Variants in FBH1 observed in about 807,000 individuals in gnomAD.
FBH1 encodes F-box DNA helicase 1, also known as DNA 3'-5' helicase 1.
Under a neutral mutation model 115.5 loss-of-function variants are expected in FBH1, and 43 were observed. The ratio of observed to expected loss-of-function variants is 0.37; its 90% CI spans 0.29 to 0.48. The LOEUF (loss-of-function observed/expected upper bound fraction) is 0.48. Ranked by LOEUF, FBH1 falls within the 20% of genes least tolerant of loss-of-function variation. The pLI, the probability that FBH1 is intolerant of heterozygous loss-of-function variation, is 0.99. For synonymous variants in FBH1, 524 were observed against 507.8 expected (o/e 1.03, Z -0.43); for missense variants, 1,001 against 1,337.3 (o/e 0.75, Z 3.92).
chr10:5,891,166 C>G (rs1376779793), intron 1 of FBH1: 2 of 985,706 alleles, frequency 2.0e-6, no homozygotes, highest in African/African-American at 3.5e-5. Flanking sequence ...TGAGTGTCCG[C>G]CAGCGTCTGC....
chr10:5,922,774 A>G (rs1257611641), intron 15 of FBH1, among the ~76,000 whole-genome samples: 1 of 152,254 alleles, frequency 6.6e-6, no homozygotes, highest in Non-Finnish European at 1.5e-5. Context: ...GAGCCCAGCC[A>G]GTGCTCAGCA....
In FBH1 at chr10:5,909,170, C is replaced by T. The variant is rs758518558; in HGVS notation, c.896C>T (p.Thr299Ile). 6 of 1,613,682 alleles carry T rather than the reference C, an allele frequency of 3.7e-6. No individual in the cohort carries two copies. Among genetic ancestry groups the T allele is most frequent in the Non-Finnish European group, 5.1e-6 (6 of 1,179,992 alleles). ...CVLNLIRYTA[T>I]TKCSPSVDPE... ...TGAATGTCTTACAGATACACAGCCA[C>T]CACTAAGTGCTCTCCGAGTGTGGAT... Residue 299 changes from threonine (T) to isoleucine (I), a missense_variant, in exon 5 of 21, where the codon ACC becomes ATC. Transcript: ENST00000362091. This position sits in a 1 kb window ranked among gnomAD's most constrained non-coding sequence, Gnocchi z 4.4.
rs779151940 is a variant in FBH1, at chr10:5,921,329, A to G, written c.2172A>G (p.Lys724=). 3.7e-6 allele frequency: 6 copies of G among 1,614,102 alleles called. No individual in the cohort carries two copies. Among genetic ancestry groups the G allele is most frequent in the East Asian group, 2.2e-5 (1 of 44,900 alleles). ...TILDVCKRVR[K]KTLVGGNHQS... is the part of the protein sequence containing the mutation. ...TGGATGTTTGCAAGAGAGTCAGGAA[A>G]AAGACTTTGGTTGGAGGAAACCATC... Residue 724 remains lysine, a synonymous_variant, in exon 14 of 21, where the codon AAA becomes AAG. Transcript: ENST00000362091. The surrounding 1 kb of genome is among the most constrained non-coding windows in gnomAD (Gnocchi z 6.4).
chr10:5,910,418 C>T lies in FBH1; in HGVS notation c.1021-520C>T, dbSNP rs562847494. Among the ~76,000 whole-genome samples the T allele has an allele frequency of 6.6e-6, 1 of 152,338 alleles. No individual in the cohort carries two copies. Among genetic ancestry groups the T allele is most frequent in the African/African-American group, 2.4e-5 (1 of 41,556 alleles). On this transcript the variant is annotated intron_variant, in intron 5 of 20. Transcript: ENST00000362091. The surrounding 1 kb of genome is among the most constrained non-coding windows in gnomAD (Gnocchi z 4.8). Reference sequence around the variant, plus strand: ...CATAATTTCATATTTATTTAACTTACAATGAACAGTTATTACTAATAATAA... The same window carrying T: ...CATAATTTCATATTTATTTAACTTATAATGAACAGTTATTACTAATAATAA...
In FBH1 at chr10:5,921,111, A is replaced by G. The variant is rs1044599929; in HGVS notation, c.2101-147A>G. On this transcript the variant is annotated intron_variant, in intron 13 of 20. Coordinates refer to ENST00000362091, the MANE Select transcript of FBH1 (RefSeq NM_178150.3). This position sits in a 1 kb window ranked among gnomAD's most constrained non-coding sequence, Gnocchi z 6.4. Reference sequence around the variant, plus strand: ...GACTGCTGAGTTGTGAAGGACCTTGAAAGTGAGCCTGTGAAGTTCGCTTTC... The same window carrying G: ...GACTGCTGAGTTGTGAAGGACCTTGGAAGTGAGCCTGTGAAGTTCGCTTTC... 4.7e-6 allele frequency: 3 copies of G among 643,102 alleles called. No homozygotes were observed. The highest frequency in any genetic ancestry group is 8.2e-6 in the Non-Finnish European group (3 of 367,798). The allele number at this position is 643,102 out of a possible 1,614,324, so 39.8% of individuals were successfully genotyped here. A position where few individuals can be genotyped will look rare whatever the true frequency, so the allele number is the denominator to read the frequency against.
At chr10:5,902,068 G>A (rs1382336027) in intron 1 of FBH1, among the ~76,000 whole-genome samples, 5 of 152,142 alleles carry the variant, frequency 3.3e-5, no homozygotes, top group Admixed American at 3.3e-4. Context: ...AATTGTTGCT[G>A]TAGTGTTTTG....
chr10:5,898,928 A>G (rs1361503829), intron 1 of FBH1, among the ~76,000 whole-genome samples: 1 of 152,232 alleles, frequency 6.6e-6, no homozygotes, highest in Non-Finnish European at 1.5e-5. Context: ...TCTCCATCTC[A>G]TTGATGGTCA....
rs1362196775 is a variant in FBH1 at position 5,914,302 on chromosome 10, T to C, written c.1396+33T>C. ...AGCCCACATCAGGTTCACGAGGTGG[T>C]GGTTTTCTGCCTTTTCTCCCTACAT... On this transcript the variant is annotated intron_variant, in intron 8 of 20. Transcript: ENST00000362091. The surrounding 1 kb of genome is among the most constrained non-coding windows in gnomAD (Gnocchi z 5.2). 2 of 1,594,658 alleles carry C rather than the reference T, an allele frequency of 1.3e-6. No individual in the cohort carries two copies. The highest frequency in any genetic ancestry group is 1.7e-6 in the Non-Finnish European group (2 of 1,162,264).
chr10:5,890,112 A>G, upstream of FBH1: 1 of 320,860 alleles, frequency 3.1e-6, no homozygotes, highest in Admixed American at 4.9e-5. Context: ...GCCGTCCGTC[A>G]GCACGCCCCC....
chr10:5,930,556 G>A (rs1197432646), intron 19 of FBH1, among the ~76,000 whole-genome samples: 1 of 152,246 alleles, frequency 6.6e-6, no homozygotes, highest in Non-Finnish European at 1.5e-5. Flanking sequence ...TGCCCCATGG[G>A]AGGCCGGAGA....
intron 1 of FBH1, among the ~76,000 whole-genome samples, chr10:5,896,968 T>A (rs1393173454): frequency 6.6e-6 from 1 of 152,194 alleles, no homozygotes; most frequent in Non-Finnish European, 1.5e-5. Context: ...TGAACTGCTT[T>A]TTAAAAAGGT....
intron 13 of FBH1, among the ~76,000 whole-genome samples, chr10:5,919,045 A>C (rs759454284): frequency 6.6e-6 from 1 of 152,232 alleles, no homozygotes; most frequent in Non-Finnish European, 1.5e-5. Context: ...CAGGCAATGC[A>C]GATGTGAACA....
chr10:5,908,605 T>C (rs1843870639), intron 3 of FBH1, among the ~76,000 whole-genome samples: 1 of 151,748 alleles, frequency 6.6e-6, no homozygotes, highest in Non-Finnish European at 1.5e-5. Flanking sequence ...TTTTTTTCTT[T>C]CTTTTTTTTT....
rs958012937 is a variant in FBH1, at chr10:5,918,952, T to C, written c.2100+474T>C. Reference sequence around the variant, plus strand: ...TGTCCTTGATTATGCGAAAAGTTTATTATGCGCTCCTTCCTTTCCAATCAC... The same window carrying C: ...TGTCCTTGATTATGCGAAAAGTTTACTATGCGCTCCTTCCTTTCCAATCAC... On this transcript the variant is annotated intron_variant, in intron 13 of 20. Transcript: ENST00000362091. This position sits in a 1 kb window ranked among gnomAD's most constrained non-coding sequence, Gnocchi z 4.0. Among the ~76,000 whole-genome samples the C allele has an allele frequency of 1.3e-5, 2 of 152,248 alleles. No individual in the cohort carries two copies. The highest frequency in any genetic ancestry group is 2.9e-5 in the Non-Finnish European group (2 of 68,046).
At chr10:5,904,394 G>A (rs1432496523) in intron 2 of FBH1, among the ~76,000 whole-genome samples, 2 of 152,290 alleles carry the variant, frequency 1.3e-5, no homozygotes, top group Admixed American at 1.3e-4. Flanking sequence ...ACTGTATGAG[G>A]CAGTTTGAAA....
chr10:5,907,581 C>G (rs913357059), intron 3 of FBH1, among the ~76,000 whole-genome samples: 2 of 146,362 alleles, frequency 1.4e-5, no homozygotes, highest in African/African-American at 5.1e-5. Flanking sequence ...TCAAGTGATT[C>G]TTGTGCCTTA....
intron 1 of FBH1, chr10:5,894,304 C>A: frequency 6.7e-7 from 1 of 1,481,944 alleles, no homozygotes; most frequent in South Asian, 1.4e-5. Context: ...TTTCCAAATA[C>A]TTCTCAATTT....
chr10:5,911,060 C>T lies in FBH1; in HGVS notation c.1143C>T (p.Thr381=), dbSNP rs7068174. The part of the protein sequence containing the change: ...PSSTVTMPDV[T]ETLYCIAVLL... ...CCACGGTGACCATGCCAGATGTCACCGAGACCCTGTACTGCATAGCCGTGC... is the reference window on the plus strand; with the variant it reads ...CCACGGTGACCATGCCAGATGTCACTGAGACCCTGTACTGCATAGCCGTGC... The change falls in exon 6 of 21, where the codon ACC becomes ACT. Residue 381 remains threonine, a synonymous_variant. Coordinates refer to ENST00000362091, the MANE Select transcript of FBH1 (RefSeq NM_178150.3). This position sits in a 1 kb window ranked among gnomAD's most constrained non-coding sequence, Gnocchi z 5.4. 88 of 1,613,268 alleles carry T rather than the reference C, an allele frequency of 5.5e-5. No homozygotes were observed. Among genetic ancestry groups the T allele is most frequent in the African/African-American group, 1.1e-4 (8 of 74,914 alleles).
At position 5,906,387 on chromosome 10, in the gene FBH1, A is replaced by T; in HGVS notation, c.508A>T (p.Thr170Ser). 1 of 1,614,150 alleles carries T rather than the reference A, an allele frequency of 6.2e-7. No homozygotes were observed. The highest frequency in any genetic ancestry group is 8.5e-7 in the Non-Finnish European group (1 of 1,179,940). ...REARQEAEDS[T>S]SRLSAESGET... ...GGCCAGGCAAGAAGCAGAGGACAGTACGTCTCGGCTCTCTGCGGAGTCTGG... is the reference window on the plus strand; with the variant it reads ...GGCCAGGCAAGAAGCAGAGGACAGTTCGTCTCGGCTCTCTGCGGAGTCTGG... Residue 170 changes from threonine (T) to serine (S), a missense_variant, in exon 3 of 21, where the codon ACG becomes TCG. By Grantham distance (58) the Thr-to-Ser change is moderately conservative. Around this residue, in one of 4 missense-constraint regions of FBH1, gnomAD observed 420 missense variants for 430.4 expected, o/e 0.98. Coordinates refer to ENST00000362091, the MANE Select transcript of FBH1 (RefSeq NM_178150.3). The surrounding 1 kb of genome is among the most constrained non-coding windows in gnomAD (Gnocchi z 7.3).
Sources: gnomAD v4.1 joint callset for allele counts (sites outside exome capture counted in the v4.1 genomes callset) on GRCh38, gnomAD v4.1.1 for gene constraint, gnomAD v4.1.1 regional missense constraint, Gnocchi (gnomAD v3.1) non-coding constraint, MANE v1.5 for transcripts, NCBI Gene and HGNC (gene_info 2026-07-23, HGNC 2026-07-21) for gene names.